Variants in CDH13 observed in about 807,000 individuals in gnomAD.
The protein encoded by CDH13 is cadherin-13.
In CDH13, 24 loss-of-function variants were observed where a neutral mutation model predicts 63.8. The observed-to-expected ratio is 0.38, with a 90% confidence interval of 0.27 to 0.53. The LOEUF is 0.53. Among genes scored for constraint, CDH13 ranks in the 20% least tolerant of loss-of-function variants. The probability of loss-of-function intolerance (pLI) is 0.85; values close to 1 mark genes in which losing one functional copy is unlikely to be tolerated. For missense variants in CDH13, 1,049 were observed against 903.1 expected (o/e 1.16, Z -2.07); for synonymous variants, 503 against 355.3 (o/e 1.42, Z -4.67).
At chr16:83,163,923 G>A (rs908575032) in intron 4 of CDH13, among the ~76,000 whole-genome samples, 3 of 151,974 alleles carry the variant, frequency 2.0e-5, no homozygotes, top group South Asian at 2.1e-4. Context: ...CATCATCATC[G>A]CAATAATAAA....
chr16:82,897,555 T>C (rs992057050), intron 2 of CDH13, among the ~76,000 whole-genome samples: 1 of 152,246 alleles, frequency 6.6e-6, no homozygotes, highest in Non-Finnish European at 1.5e-5. Flanking sequence ...ATCCCCATTT[T>C]ATAGATGAGG....
chr16:83,760,781 C>G (rs1862120197), intron 11 of CDH13, among the ~76,000 whole-genome samples: 2 of 152,112 alleles, frequency 1.3e-5, no homozygotes, highest in Non-Finnish European at 2.9e-5. Context: ...AAGAACCTAA[C>G]AAAAAATGCA....
At chr16:82,906,076 A>G (rs1011669046) in intron 2 of CDH13, among the ~76,000 whole-genome samples, 4 of 152,204 alleles carry the variant, frequency 2.6e-5, no homozygotes, top group Non-Finnish European at 4.4e-5. Flanking sequence ...TCATCGATCT[A>G]TCTACCTACC....
chr16:83,005,812 C>T (rs559074275), intron 2 of CDH13, among the ~76,000 whole-genome samples: 1 of 152,304 alleles, frequency 6.6e-6, no homozygotes, highest in African/African-American at 2.4e-5. Flanking sequence ...TTATTTAAAA[C>T]AATTCCTGGC....
At chr16:83,777,195 A>T (rs1200742100) in intron 11 of CDH13, among the ~76,000 whole-genome samples, 3 of 152,200 alleles carry the variant, frequency 2.0e-5, no homozygotes, top group Non-Finnish European at 4.4e-5. Flanking sequence ...CTTTCTGAAG[A>T]TAAGTCAGAT....
intron 6 of CDH13, among the ~76,000 whole-genome samples, chr16:83,390,389 T>C (rs975261675): frequency 6.6e-6 from 1 of 152,006 alleles, no homozygotes; most frequent in Admixed American, 6.6e-5. Flanking sequence ...TATGGTTAAG[T>C]CCCGGGGCCC....
chr16:82,740,788 C>A (rs923519082), intron 1 of CDH13, among the ~76,000 whole-genome samples: 2 of 152,178 alleles, frequency 1.3e-5, no homozygotes, highest in African/African-American at 2.4e-5. Context: ...CTGGGCAAAG[C>A]AAGTCCAATA....
intron 8 of CDH13, among the ~76,000 whole-genome samples, chr16:83,651,315 T>A (rs1328502747): frequency 1.3e-5 from 2 of 152,182 alleles, no homozygotes; most frequent in Non-Finnish European, 2.9e-5. Context: ...CAAACATCGT[T>A]TCTTTATGTA....
intron 2 of CDH13, among the ~76,000 whole-genome samples, chr16:83,014,430 A>G (rs1914479572): frequency 6.6e-6 from 1 of 151,576 alleles, no homozygotes; most frequent in Non-Finnish European, 1.5e-5. Context: ...TATGTATAAA[A>G]GCCAGGTATA....
intron 7 of CDH13, among the ~76,000 whole-genome samples, chr16:83,487,996 G>C (rs981039582): frequency 1.3e-5 from 2 of 152,180 alleles, no homozygotes. Context: ...GTTGGCATGT[G>C]CTAATTAGGT....
At chr16:82,915,742 T>G (rs1013639626) in intron 2 of CDH13, among the ~76,000 whole-genome samples, 1 of 151,648 alleles carries the variant, frequency 6.6e-6, no homozygotes, top group South Asian at 2.1e-4. Context: ...TACAGCTCCT[T>G]GTAAAGCTGA....
intron 10 of CDH13, among the ~76,000 whole-genome samples, chr16:83,733,529 C>T (rs1044396857): frequency 3.3e-5 from 5 of 152,172 alleles, no homozygotes; most frequent in African/African-American, 1.2e-4. Flanking sequence ...ATTCACTGAG[C>T]TTCAAGTCAT....
Position 83,791,378 on chromosome 16 carries a change from C to G in CDH13, c.2135-3645C>G, listed in dbSNP as rs1295025856. On this transcript the variant is annotated intron_variant, in intron 13 of 13. Coordinates refer to ENST00000567109, the MANE Select transcript of CDH13 (RefSeq NM_001257.5). The stretch of plus-strand genomic sequence containing the variant: ...GGGCACGGTGGCACACACCTGTAAT[C>G]CCAGCTACTCAGGAGGCTGAGGCAG... Among the ~76,000 whole-genome samples, 3 of 152,166 alleles carry G rather than the reference C, an allele frequency of 2.0e-5. No individual in the cohort carries two copies. In the East Asian group the frequency reaches 5.8e-4, roughly 29 times the overall value.
At chr16:82,820,078 A>C (rs2037930728) in intron 1 of CDH13, among the ~76,000 whole-genome samples, 1 of 152,170 alleles carries the variant, frequency 6.6e-6, no homozygotes, top group African/African-American at 2.4e-5. Context: ...ATTAATGTGA[A>C]CACTCACCAG....
At chr16:83,178,625 G>C (rs150707256) in intron 4 of CDH13, among the ~76,000 whole-genome samples, 1 of 152,276 alleles carries the variant, frequency 6.6e-6, no homozygotes, top group African/African-American at 2.4e-5. Flanking sequence ...AATTCTGTTA[G>C]CTGGTTGATT....
chr16:83,757,834 T>G (rs1913639034), intron 11 of CDH13, among the ~76,000 whole-genome samples: 1 of 151,770 alleles, frequency 6.6e-6, no homozygotes, highest in African/African-American at 2.4e-5. Context: ...TTATCAAAAA[T>G]AACCTAAAAA....
intron 6 of CDH13, among the ~76,000 whole-genome samples, chr16:83,435,335 T>C (rs964287486): frequency 6.6e-6 from 1 of 152,180 alleles, no homozygotes; most frequent in Non-Finnish European, 1.5e-5. Context: ...TGAGCCACTA[T>C]GCCTGGCCCC....
At chr16:82,758,263 A>G (rs528504942) in intron 1 of CDH13, among the ~76,000 whole-genome samples, 2 of 152,310 alleles carry the variant, frequency 1.3e-5, no homozygotes, top group East Asian at 3.9e-4. Flanking sequence ...AGTAACAGGA[A>G]TTTGAGAAGT....
chr16:83,031,398 A>G (rs74211785), intron 2 of CDH13, among the ~76,000 whole-genome samples: 1,745 of 103,236 alleles, frequency 0.017, 49 homozygotes, highest in East Asian at 0.026. Context: ...GTATATACAT[A>G]TACATGTATA....
Sources: gnomAD v4.1 joint callset for allele counts (sites outside exome capture counted in the v4.1 genomes callset) on GRCh38, gnomAD v4.1.1 for gene constraint, MANE v1.5 for transcripts, NCBI Gene and HGNC (gene_info 2026-07-23, HGNC 2026-07-21) for gene names.